Variants in CSMD1 observed in about 807,000 individuals in gnomAD.
The protein encoded by CSMD1 is CUB and sushi domain-containing protein 1.
In CSMD1, 213 loss-of-function variants were observed where a neutral mutation model predicts 417.5. The observed-to-expected ratio is 0.51, with a 90% CI of 0.46 to 0.57. The LOEUF (loss-of-function observed/expected upper bound fraction) is 0.57, where lower values mean the gene tolerates loss of function less well. Ranked by LOEUF, CSMD1 falls within the 20% of genes least tolerant of loss-of-function variation. The probability of loss-of-function intolerance (pLI) is 0.00; values close to 1 mark genes in which losing one functional copy is unlikely to be tolerated. For missense variants in CSMD1, 6,923 were observed against 4,529.7 expected (o/e 1.53, Z -15.17); for synonymous variants, 2,862 against 1,736.8 (o/e 1.65, Z -16.11).
chr8:3,727,800 C>T (rs1252188481), intron 6 of CSMD1, among the ~76,000 whole-genome samples: 1 of 152,154 alleles, frequency 6.6e-6, no homozygotes, highest in Non-Finnish European at 1.5e-5. Context: ...GAAGGAAACG[C>T]AGGTACATGC....
At chr8:4,835,736 C>G (rs746413091) in intron 1 of CSMD1, among the ~76,000 whole-genome samples, 1 of 151,688 alleles carries the variant, frequency 6.6e-6, no homozygotes, top group Non-Finnish European at 1.5e-5. Context: ...CCCAATCTCT[C>G]TCAGGTGGTA....
chr8:3,323,429 A>G (rs1192841770), intron 23 of CSMD1, among the ~76,000 whole-genome samples: 1 of 151,792 alleles, frequency 6.6e-6, no homozygotes, highest in African/African-American at 2.4e-5. Context: ...AAAGCCAGAA[A>G]CGCTGGTCCA....
At chr8:3,359,109 C>G (rs757199958) in intron 21 of CSMD1, 43 bp downstream of exon 21, 1 of 1,597,942 alleles carries the variant, frequency 6.3e-7, no homozygotes, top group Middle Eastern at 1.7e-4. Context: ...GGGCTAGACC[C>G]TGCCCCCATG....
At chr8:4,315,938 T>A (rs1798900106) in intron 3 of CSMD1, among the ~76,000 whole-genome samples, 1 of 152,182 alleles carries the variant, frequency 6.6e-6, no homozygotes, top group Admixed American at 6.6e-5. Context: ...AATATAACCT[T>A]CTCTTAACTC....
chr8:4,177,704 G>T (rs1415550095), intron 3 of CSMD1, among the ~76,000 whole-genome samples: 1 of 148,116 alleles, frequency 6.8e-6, no homozygotes, highest in Non-Finnish European at 1.5e-5. Context: ...AAGAAAAAAA[G>T]AGACAAGAAT....
At chr8:4,583,980 A>G (rs1402071372) in intron 2 of CSMD1, among the ~76,000 whole-genome samples, 1 of 152,032 alleles carries the variant, frequency 6.6e-6, no homozygotes, top group Non-Finnish European at 1.5e-5. Context: ...CAACGAGACC[A>G]CAAGCCCACC....
At chr8:4,677,891 T>C (rs1428715891) in intron 1 of CSMD1, among the ~76,000 whole-genome samples, 1 of 152,168 alleles carries the variant, frequency 6.6e-6, no homozygotes, top group Admixed American at 6.5e-5. Flanking sequence ...CTGAATGCTG[T>C]AAAGTGTGAC....
At chr8:3,665,979 G>C (rs1466448911) in intron 7 of CSMD1, among the ~76,000 whole-genome samples, 1 of 152,136 alleles carries the variant, frequency 6.6e-6, no homozygotes, top group East Asian at 1.9e-4. Context: ...CCAGATTCAA[G>C]TGATTTTCCT....
chr8:4,403,147 T>A (rs567239761), intron 3 of CSMD1, among the ~76,000 whole-genome samples: 1 of 152,308 alleles, frequency 6.6e-6, no homozygotes, highest in Admixed American at 6.5e-5. Context: ...TCCTCACTTT[T>A]TAAAGCTTCC....
chr8:3,862,793 C>T (rs953323899), intron 5 of CSMD1, among the ~76,000 whole-genome samples: 1 of 152,154 alleles, frequency 6.6e-6, no homozygotes, highest in Non-Finnish European at 1.5e-5. Context: ...AGTTAACTGC[C>T]TATCACAACA....
chr8:4,387,166 C>G (rs780190903), intron 3 of CSMD1, among the ~76,000 whole-genome samples: 1 of 152,144 alleles, frequency 6.6e-6, no homozygotes, highest in Non-Finnish European at 1.5e-5. Context: ...AATGAGTTAA[C>G]ACAATGCCAT....
At chr8:3,483,114 T>C (rs1010865512) in intron 11 of CSMD1, among the ~76,000 whole-genome samples, 1 of 151,746 alleles carries the variant, frequency 6.6e-6, no homozygotes, top group Non-Finnish European at 1.5e-5. Flanking sequence ...GGAGGAAGAG[T>C]GCGATAGAGG....
chr8:4,888,155 G>A (rs925016176), intron 1 of CSMD1, among the ~76,000 whole-genome samples: 3 of 151,680 alleles, frequency 2.0e-5, no homozygotes, highest in Non-Finnish European at 4.4e-5. Context: ...AAGAGTATAT[G>A]AATAAATTGA....
intron 3 of CSMD1, among the ~76,000 whole-genome samples, chr8:4,187,629 T>A (rs1036819487): frequency 7.8e-6 from 1 of 128,446 alleles, no homozygotes; most frequent in Non-Finnish European, 1.5e-5. Flanking sequence ...TGAGCCGAGA[T>A]TGCATCACTG....
At chr8:3,813,886 G>A (rs564241264) in intron 5 of CSMD1, among the ~76,000 whole-genome samples, 2 of 152,234 alleles carry the variant, frequency 1.3e-5, no homozygotes, top group Admixed American at 6.5e-5. Context: ...GAAAGTGATC[G>A]CTTTTCCTTT....
At chr8:4,584,254 C>T (rs1444464205) in intron 2 of CSMD1, among the ~76,000 whole-genome samples, 1 of 151,990 alleles carries the variant, frequency 6.6e-6, no homozygotes, top group Admixed American at 6.6e-5. Flanking sequence ...TTGGCGACCA[C>T]GAAGGGACTT....
chr8:3,721,848 C>T lies in CSMD1; in HGVS notation c.932-13357G>A, dbSNP rs538457154. On this transcript the variant is annotated intron_variant, in intron 6 of 69. Coordinates refer to ENST00000635120, the MANE Select transcript of CSMD1 (RefSeq NM_033225.6). ...TAATTACAGGGAGTTTTCTGAGAGG[C>T]GCTGTATGAAGAAAATAGCAGAGAA... 2.4e-4 allele frequency among the ~76,000 whole-genome samples: 36 copies of T among 152,170 alleles called. 1 individual carries two copies. The highest frequency in any genetic ancestry group is 6.8e-3 in the Middle Eastern group (2 of 294).
At chr8:3,698,715 T>A (rs1391531019) in intron 7 of CSMD1, among the ~76,000 whole-genome samples, 2 of 152,254 alleles carry the variant, frequency 1.3e-5, no homozygotes, top group Non-Finnish European at 2.9e-5. Context: ...CAAAATGTGT[T>A]TCTCACAGAT....
chr8:3,959,171 C>G (rs1309577095), intron 5 of CSMD1, among the ~76,000 whole-genome samples: 2 of 152,186 alleles, frequency 1.3e-5, no homozygotes, highest in African/African-American at 4.8e-5. Flanking sequence ...TAAGAAGTTA[C>G]AGGGCATCTT....
Sources: allele counts gnomAD v4.1 joint callset (sites outside exome capture counted in the v4.1 genomes callset), GRCh38; gene constraint gnomAD v4.1.1; transcripts MANE v1.5; gene names NCBI Gene and HGNC (gene_info 2026-07-23, HGNC 2026-07-21).